The following ARHGAP15 variants were observed in gnomAD, a reference collection of about 807,000 sequenced individuals.
The protein encoded by ARHGAP15 is Rho GTPase activating protein 15.
In ARHGAP15, 51 loss-of-function variants were observed where a neutral mutation model predicts 63.7. The observed-to-expected ratio is 0.80, with a 90% CI of 0.64 to 1.01. ARHGAP15 has a LOEUF of 1.01. Among genes scored for constraint, ARHGAP15 ranks in the 50% least tolerant of loss-of-function variants. The pLI is 0.00. For synonymous variants in ARHGAP15, 191 were observed against 193.8 expected (o/e 0.99, Z 0.12); for missense variants, 560 against 564.6 (o/e 0.99, Z 0.08).
intron 6 of ARHGAP15, among the ~76,000 whole-genome samples, chr2:143,374,274 T>C (rs993482177): frequency 2.0e-5 from 3 of 152,130 alleles, no homozygotes; most frequent in African/African-American, 7.2e-5. Context: ...TATGGGATAT[T>C]GTCACTGGAA....
intron 1 of ARHGAP15, among the ~76,000 whole-genome samples, chr2:143,151,891 A>G (rs1275205752): frequency 6.6e-6 from 1 of 151,908 alleles, no homozygotes; most frequent in African/African-American, 2.4e-5. Context: ...ACCCACAGGT[A>G]CAGCAGTCAC....
chr2:143,429,198 A>T (rs1050295535), intron 6 of ARHGAP15, among the ~76,000 whole-genome samples: 2 of 150,188 alleles, frequency 1.3e-5, no homozygotes, highest in Non-Finnish European at 3.0e-5. Flanking sequence ...ATTTTAACAC[A>T]ATAAAAAGAA....
At chr2:143,365,078 T>C (rs141155356) in intron 6 of ARHGAP15, among the ~76,000 whole-genome samples, 1 of 152,274 alleles carries the variant, frequency 6.6e-6, no homozygotes, top group African/African-American at 2.4e-5. Flanking sequence ...GGTGGAACAG[T>C]AGTCTTAGTT....
chr2:143,678,655 A>G (rs921179339), intron 12 of ARHGAP15, among the ~76,000 whole-genome samples: 5 of 152,202 alleles, frequency 3.3e-5, no homozygotes, highest in Non-Finnish European at 7.3e-5. Context: ...ATGTTTTCCA[A>G]GGTCTACTCC....
At chr2:143,667,362 T>C (rs867691636) in intron 12 of ARHGAP15, among the ~76,000 whole-genome samples, 2,302 of 137,156 alleles carry the variant, frequency 0.017, 66 homozygotes, top group African/African-American at 0.061. Context: ...TAGGTGGGAA[T>C]TGAACAATGA....
At chr2:143,565,109 A>G (rs1559053478) in intron 11 of ARHGAP15, among the ~76,000 whole-genome samples, 1 of 152,172 alleles carries the variant, frequency 6.6e-6, no homozygotes, top group Non-Finnish European at 1.5e-5. Flanking sequence ...TAGGCCACAA[A>G]ATTAATACAG....
intron 6 of ARHGAP15, among the ~76,000 whole-genome samples, chr2:143,328,778 G>T (rs1427022032): frequency 6.6e-6 from 1 of 152,064 alleles, no homozygotes; most frequent in Non-Finnish European, 1.5e-5. Context: ...AGCACAACCA[G>T]CTGACTATAG....
chr2:143,139,101 CT>C (rs1280181794), intron 1 of ARHGAP15, among the ~76,000 whole-genome samples: 2 of 152,020 alleles, frequency 1.3e-5, no homozygotes, highest in Non-Finnish European at 2.9e-5. Context: ...CTTGGTGTCT[CT>C]GTCAAAATTG....
intron 11 of ARHGAP15, among the ~76,000 whole-genome samples, chr2:143,616,104 AC>A (rs1698442145): frequency 1.3e-5 from 2 of 152,166 alleles, no homozygotes; most frequent in African/African-American, 4.8e-5. Flanking sequence ...TTTCTCAGCT[AC>A]CTAAACGAAA....
At chr2:143,413,966 T>TGTGTGTGCGCGTGCGCGC in intron 6 of ARHGAP15, among the ~76,000 whole-genome samples, 1 of 117,910 alleles carries the variant, frequency 8.5e-6, no homozygotes, top group African/African-American at 3.5e-5. Context: ...TGTGTGTGTG[T>TGTGTGTGCGCGTGCGCGC]GCGCGCTCTC....
chr2:143,494,986 C>G (rs946790799), intron 9 of ARHGAP15, among the ~76,000 whole-genome samples: 1 of 152,172 alleles, frequency 6.6e-6, no homozygotes, highest in African/African-American at 2.4e-5. Context: ...TTTGACCAAG[C>G]CAGGCTTGAA....
intron 8 of ARHGAP15, among the ~76,000 whole-genome samples, chr2:143,468,661 A>AGTGTGTGT (rs72252562): frequency 0.035 from 4,672 of 133,686 alleles, 80 homozygotes; most frequent in Non-Finnish European, 0.052. Flanking sequence ...AGAGAGAGAG[A>AGTGTGTGT]GAGTGTGTGT....
intron 8 of ARHGAP15, among the ~76,000 whole-genome samples, chr2:143,449,983 G>A (rs1189801063): frequency 2.0e-5 from 3 of 151,572 alleles, no homozygotes; most frequent in Admixed American, 1.3e-4. Flanking sequence ...TTTTAGTAGT[G>A]CCTAGATTCA....
chr2:143,619,259 T>A (rs1698565768), intron 11 of ARHGAP15, among the ~76,000 whole-genome samples: 1 of 152,214 alleles, frequency 6.6e-6, no homozygotes, highest in Non-Finnish European at 1.5e-5. Context: ...CTTTCAAATA[T>A]AATTTGTAAA....
intron 9 of ARHGAP15, among the ~76,000 whole-genome samples, chr2:143,501,451 T>C (rs1317990850): frequency 1.3e-5 from 2 of 152,198 alleles, no homozygotes; most frequent in Non-Finnish European, 2.9e-5. Context: ...AAAGAGGAAG[T>C]GAGAGCCTGT....
chr2:143,450,783 T>C (rs1291635902), intron 8 of ARHGAP15, among the ~76,000 whole-genome samples: 1 of 151,972 alleles, frequency 6.6e-6, no homozygotes, highest in Non-Finnish European at 1.5e-5. Context: ...TAACAGTTGG[T>C]GACAATTTAA....
chr2:143,471,059 A>G (rs1691526768), intron 8 of ARHGAP15, among the ~76,000 whole-genome samples: 1 of 149,654 alleles, frequency 6.7e-6, no homozygotes, highest in African/African-American at 2.5e-5. Flanking sequence ...GTGTGCATAT[A>G]TACACATATG....
At chr2:143,154,934 T>A (rs1272190869) in intron 1 of ARHGAP15, among the ~76,000 whole-genome samples, 8 of 151,838 alleles carry the variant, frequency 5.3e-5, no homozygotes, top group Admixed American at 4.6e-4. Flanking sequence ...CAGATGGCAG[T>A]GGATGAAGGA....
In ARHGAP15 at chr2:143,488,092, G is replaced by T. The variant is rs772852204; in HGVS notation, c.826+597G>T. The stretch of plus-strand genomic sequence containing the variant: ...TAGATGATTGTAAGAATAGATGATG[G>T]CCACCAATCATGGTCTCTGGCATTA... On this transcript the variant is annotated intron_variant, in intron 9 of 13. Transcript: ENST00000295095. Among the ~76,000 whole-genome samples, 5 of 152,234 alleles carry T rather than the reference G, an allele frequency of 3.3e-5. No individual in the cohort carries two copies. In the Middle Eastern group the frequency reaches 0.017, roughly 518 times the overall value.
Sources: gnomAD v4.1 joint callset for allele counts (sites outside exome capture counted in the v4.1 genomes callset) on GRCh38, gnomAD v4.1.1 for gene constraint, MANE v1.5 for transcripts, NCBI Gene and HGNC (gene_info 2026-07-23, HGNC 2026-07-21) for gene names.